Variants in RMDN1 observed in about 807,000 individuals in gnomAD.
RMDN1 encodes regulator of microtubule dynamics 1.
RMDN1 carries 48 observed loss-of-function variants against 48.9 expected under a neutral mutation model. That is an observed-to-expected ratio of 0.98 (90% CI 0.78 to 1.25). The LOEUF (loss-of-function observed/expected upper bound fraction) is 1.25, where lower values mean the gene tolerates loss of function less well. Among genes scored for constraint, RMDN1 ranks in the 50% most tolerant of loss-of-function variants. RMDN1 has a pLI of 0.00. For synonymous variants in RMDN1, 148 were observed against 132.6 expected (o/e 1.12, Z -0.80); for missense variants, 418 against 373.4 (o/e 1.12, Z -0.98).
intron 2 of RMDN1, chr8:86,494,804 T>C (rs1205358069): frequency 3.3e-6 from 1 of 303,674 alleles, no homozygotes; most frequent in African/African-American, 2.2e-5. Context: ...TAAAACCCCA[T>C]CTCTTCTAAA....
At chr8:86,480,248 T>A in intron 6 of RMDN1, 29 bp downstream of exon 6, 1 of 1,181,756 alleles carries the variant, frequency 8.5e-7, no homozygotes, top group South Asian at 1.4e-5. Flanking sequence ...CACTAAATAC[T>A]ACTGAAATAT....
chr8:86,482,443 T>A, intron 5 of RMDN1: 1 of 491,972 alleles, frequency 2.0e-6, no homozygotes, highest in East Asian at 4.6e-5. Context: ...TTTGCAGTCT[T>A]AAGTTGACAG....
At chr8:86,502,834 G>A (rs1395921501) in intron 2 of RMDN1, among the ~76,000 whole-genome samples, 1 of 152,102 alleles carries the variant, frequency 6.6e-6, no homozygotes, top group African/African-American at 2.4e-5. Context: ...TCTGTAGCAT[G>A]TTCTTTTTCT....
In RMDN1 at chr8:86,474,836, G is replaced by C. The variant is rs766664051; in HGVS notation, c.878C>G (p.Thr293Arg). The change falls in exon 9 of 10, where the codon ACA (threonine) becomes AGA (arginine). Residue 293 changes from threonine (T) to arginine (R), a missense_variant. Thr to Arg is a moderately conservative substitution (Grantham distance 71, BLOSUM62 -1). Coordinates refer to ENST00000406452, the MANE Select transcript of RMDN1 (RefSeq NM_016033.3). ...ATGTTTTACCTGTTTATCCTCCTCT[G>C]TGTGTGCTGGATAGTCCTTGGCTTT... ...LMKAKDYPAH[T>R]EEDKQIQTEA... The C allele has an allele frequency of 1.9e-6, 3 of 1,610,696 alleles. No individual in the cohort carries two copies. The highest frequency in any genetic ancestry group is 1.7e-6 in the Non-Finnish European group (2 of 1,179,028).
chr8:86,484,523 G>C (rs572108115), intron 5 of RMDN1, among the ~76,000 whole-genome samples: 1 of 152,138 alleles, frequency 6.6e-6, no homozygotes, highest in Non-Finnish European at 1.5e-5. Context: ...TTTGAGACCA[G>C]CCTGGCCAAA....
chr8:86,503,485 C>T, intron 2 of RMDN1: 1 of 197,378 alleles, frequency 5.1e-6, no homozygotes, highest in Non-Finnish European at 1.0e-5. Context: ...CTGAGAAGGA[C>T]ATTTTGAAGG....
chr8:86,498,031 G>A lies in RMDN1; in HGVS notation c.247+8964C>T, dbSNP rs186258564. Among the ~76,000 whole-genome samples, 52 of 152,338 alleles carry A rather than the reference G, an allele frequency of 3.4e-4. 1 individual carries two copies. The East Asian group carries it at 9.8e-3, about 29-fold the overall frequency. ...GAGTCGCTTGAACCCGGGAGGTGGA[G>A]GCTGCAGTGAGCCGAGATCGTGCCA... On this transcript the variant is annotated intron_variant, in intron 2 of 9. Coordinates refer to ENST00000406452, the MANE Select transcript of RMDN1 (RefSeq NM_016033.3).
At position 86,508,567 on chromosome 8, in the gene RMDN1, G is replaced by A. The variant is rs1436846511; in HGVS notation, c.54C>T (p.Ala18=). 6.2e-7 allele frequency: 1 copy of A among 1,601,776 alleles called. No homozygotes were observed. The highest frequency in any genetic ancestry group is 8.5e-7 in the Non-Finnish European group (1 of 1,175,970). ...WRLLPFRRGA[A]PGSRLPAGTS... is the part of the protein sequence containing the mutation. Reference sequence around the variant, plus strand: ...TCCCCGCAGGGAGACGAGACCCCGGGGCGGCTCCACGTCGGAAAGGCAGAA... The same window carrying A: ...TCCCCGCAGGGAGACGAGACCCCGGAGCGGCTCCACGTCGGAAAGGCAGAA... Residue 18 remains alanine, a synonymous_variant, in exon 1 of 10, where the codon GCC becomes GCT. Coordinates refer to ENST00000406452, the MANE Select transcript of RMDN1 (RefSeq NM_016033.3).
intron 9 of RMDN1, 108 bp downstream of exon 9, chr8:86,474,712 T>G: frequency 9.7e-7 from 1 of 1,026,684 alleles, no homozygotes; most frequent in Middle Eastern, 2.1e-4. Flanking sequence ...CACACTTGTT[T>G]TCAACAATAT....
Position 86,503,366 on chromosome 8 carries a change from C to CAAAAAAAAAAAAAAAAAAAAAAAAAAAAA in RMDN1, c.247+3628_247+3629insTTTTTTTTTTTTTTTTTTTTTTTTTTTTT, listed in dbSNP as rs1354324383. On this transcript the variant is annotated intron_variant, in intron 2 of 9. Transcript: ENST00000406452. ...GACTCCGTCTCAAAACAAAACAAAA[C>CAAAAAAAAAAAAAAAAAAAAAAAAAAAAA]AAAACAAAAAAAAAAAAAAAAAACA... is the stretch of plus-strand genomic sequence containing the variant. Among the ~76,000 whole-genome samples the CAAAAAAAAAAAAAAAAAAAAAAAAAAAAA allele has an allele frequency of 4.0e-4, 28 of 70,446 alleles. 2 individuals carry two copies. The highest frequency in any genetic ancestry group is 6.7e-4 in the Admixed American group (4 of 5,966). The allele number at this position is 70,446 out of a possible 152,430, so 46.2% of individuals were successfully genotyped here.
At chr8:86,472,184 A>G (rs937727028), downstream of RMDN1, among the ~76,000 whole-genome samples, 1 of 152,208 alleles carries the variant, frequency 6.6e-6, no homozygotes, top group Non-Finnish European at 1.5e-5. Flanking sequence ...GTATGTGTCT[A>G]TACACACACA....
At chr8:86,481,989 G>C in intron 5 of RMDN1, 1 of 849,922 alleles carries the variant, frequency 1.2e-6, no homozygotes, top group Non-Finnish European at 2.0e-6. Context: ...TGGAAATGGT[G>C]TCCAGGAGTA....
At chr8:86,504,283 G>T in intron 2 of RMDN1, 1 of 1,574,694 alleles carries the variant, frequency 6.4e-7, no homozygotes, top group Non-Finnish European at 8.7e-7. Context: ...GGGCACCCAG[G>T]ATGTATCCCA....
At chr8:86,491,750 A>C (rs935070398) in intron 2 of RMDN1, among the ~76,000 whole-genome samples, 6 of 152,186 alleles carry the variant, frequency 3.9e-5, no homozygotes, top group Non-Finnish European at 8.8e-5. Flanking sequence ...TAATAATTAG[A>C]ATTTTTTAAA....
At chr8:86,502,116 A>G (rs1440600487) in intron 2 of RMDN1, among the ~76,000 whole-genome samples, 1 of 152,208 alleles carries the variant, frequency 6.6e-6, no homozygotes, top group Non-Finnish European at 1.5e-5. Context: ...CCTCTCCTTT[A>G]TAATTAAAAA....
Position 86,472,531 on chromosome 8 carries a change from T to C in RMDN1, c.*1777A>G, listed in dbSNP as rs551948590. The C allele has an allele frequency of 5.7e-6, 4 of 695,786 alleles. No individual in the cohort carries two copies. 43.1% of individuals were successfully genotyped at this position (695,786 alleles called of 1,614,324 possible). ...ATAACCTTTTAAAATACAGCATCAT[T>C]AAGTGGGAAACTGAAAGCCTGCCAT... On this transcript the variant is annotated 3_prime_UTR_variant, in exon 10 of 10. Transcript: ENST00000406452.
chr8:86,482,958 G>A (rs1331721641), intron 5 of RMDN1: 60 of 761,460 alleles, frequency 7.9e-5, no homozygotes, highest in East Asian at 5.0e-5. Context: ...GGTCCCCGGC[G>A]GACTGTGGCA....
intron 1 of RMDN1, among the ~76,000 whole-genome samples, chr8:86,513,940 C>A (rs889563785): frequency 9.2e-5 from 14 of 151,810 alleles, no homozygotes; most frequent in Middle Eastern, 6.3e-3. Flanking sequence ...AGCCTGAGCC[C>A]GTGATCCTTC....
intron 2 of RMDN1, 141 bp from the exon 3 acceptor site, chr8:86,488,780 A>C: frequency 2.1e-6 from 1 of 476,352 alleles, no homozygotes; most frequent in Non-Finnish European, 3.7e-6. Flanking sequence ...AAACAGCAGA[A>C]ATTAGGAAGA....
Sources: allele counts gnomAD v4.1 joint callset (sites outside exome capture counted in the v4.1 genomes callset), GRCh38; gene constraint gnomAD v4.1.1; transcripts MANE v1.5; gene names NCBI Gene and HGNC (gene_info 2026-07-23, HGNC 2026-07-21).